The following PPFIA2 variants were observed in gnomAD, a reference collection of about 807,000 sequenced individuals.
The protein encoded by PPFIA2 is liprin-alpha-2.
A neutral mutation model predicts 175.5 loss-of-function variants in PPFIA2; 46 were observed. The ratio of observed to expected loss-of-function variants is 0.26; its 90% CI spans 0.21 to 0.34. PPFIA2 has a LOEUF of 0.34. Ranked by LOEUF, PPFIA2 falls within the 10% of genes least tolerant of loss-of-function variation. PPFIA2 has a pLI of 1.00. For synonymous variants in PPFIA2, 568 were observed against 511.4 expected, an observed-to-expected ratio of 1.11 and a Z score of -1.49; for missense variants, 1,179 against 1,506.1, an observed-to-expected ratio of 0.78 and a Z score of 3.60.
At chr12:81,717,420 T>C (rs2078771441) in intron 3 of PPFIA2, among the ~76,000 whole-genome samples, 1 of 151,686 alleles carries the variant, frequency 6.6e-6, no homozygotes, top group Non-Finnish European at 1.5e-5. Flanking sequence ...AATCCAACAC[T>C]GGTGGATAAT....
At chr12:81,757,524 A>G (rs1324283546) in intron 2 of PPFIA2, among the ~76,000 whole-genome samples, 1 of 152,240 alleles carries the variant, frequency 6.6e-6, no homozygotes, top group African/African-American at 2.4e-5. Context: ...GAAAGAAAAA[A>G]AGTAATAATA....
intron 4 of PPFIA2, among the ~76,000 whole-genome samples, chr12:81,659,564 A>G (rs2068432137): frequency 1.3e-5 from 2 of 152,170 alleles, no homozygotes; most frequent in Admixed American, 1.3e-4. Context: ...GGGAAGCTAG[A>G]ACTGGGTGGA....
At chr12:81,416,696 G>A (rs2045335862) in intron 7 of PPFIA2, among the ~76,000 whole-genome samples, 1 of 151,584 alleles carries the variant, frequency 6.6e-6, no homozygotes, top group African/African-American at 2.4e-5. Context: ...ACTCCCACAG[G>A]GCTCTTTGCC....
intron 5 of PPFIA2, among the ~76,000 whole-genome samples, chr12:81,450,255 A>G (rs1264160713): frequency 2.6e-5 from 4 of 152,214 alleles, no homozygotes; most frequent in Non-Finnish European, 4.4e-5. Context: ...CAGTCCCACC[A>G]ACAGTGCAAA....
intron 26 of PPFIA2, among the ~76,000 whole-genome samples, chr12:81,282,525 A>G (rs2042301502): frequency 6.6e-6 from 1 of 152,130 alleles, no homozygotes; most frequent in Non-Finnish European, 1.5e-5. Context: ...TGTTCCAAGT[A>G]TAGACACCTG....
At chr12:81,653,154 A>C (rs1431512990) in intron 4 of PPFIA2, among the ~76,000 whole-genome samples, 1 of 152,102 alleles carries the variant, frequency 6.6e-6, no homozygotes, top group Non-Finnish European at 1.5e-5. Context: ...CTTAATTTTA[A>C]GAGCAACCAG....
At chr12:81,368,299 T>C (rs2034117958) in intron 13 of PPFIA2, 1 of 500,492 alleles carries the variant, frequency 2.0e-6, no homozygotes. Flanking sequence ...TTTGATGATA[T>C]AAACTCACTT....
intron 5 of PPFIA2, among the ~76,000 whole-genome samples, chr12:81,455,103 C>G (rs1482916647): frequency 6.6e-6 from 1 of 152,156 alleles, no homozygotes; most frequent in Admixed American, 6.5e-5. Flanking sequence ...TGCTTTGTCT[C>G]TATGACCAGC....
chr12:81,287,866 G>A (rs1409541429), intron 24 of PPFIA2, among the ~76,000 whole-genome samples: 1 of 151,778 alleles, frequency 6.6e-6, no homozygotes, highest in Non-Finnish European at 1.5e-5. Flanking sequence ...CAAAAAGTAG[G>A]TTGGAAAAGC....
intron 4 of PPFIA2, among the ~76,000 whole-genome samples, chr12:81,565,402 C>T (rs955931506): frequency 3.9e-5 from 6 of 152,182 alleles, no homozygotes; most frequent in African/African-American, 4.8e-5. Context: ...TTTTGGGACT[C>T]GGACTGGCTC....
chr12:81,370,910 G>A (rs191559625), intron 11 of PPFIA2, among the ~76,000 whole-genome samples: 31 of 151,900 alleles, frequency 2.0e-4, no homozygotes, highest in African/African-American at 6.5e-4. Flanking sequence ...CTAAAACAGT[G>A]AAACTCACTT....
intron 4 of PPFIA2, among the ~76,000 whole-genome samples, chr12:81,641,322 T>C (rs1432437855): frequency 6.6e-6 from 1 of 152,218 alleles, no homozygotes; most frequent in East Asian, 1.9e-4. Flanking sequence ...TCATTGATTA[T>C]TATCTCACCA....
chr12:81,415,077 A>C (rs542720079), intron 7 of PPFIA2, among the ~76,000 whole-genome samples: 1 of 145,162 alleles, frequency 6.9e-6, no homozygotes, highest in Non-Finnish European at 1.5e-5. Flanking sequence ...CCATGGGCAG[A>C]TTTTGAAAGC....
intron 4 of PPFIA2, among the ~76,000 whole-genome samples, chr12:81,646,110 G>T (rs1294881271): frequency 6.6e-6 from 1 of 152,184 alleles, no homozygotes; most frequent in East Asian, 1.9e-4. Flanking sequence ...CTGCCATGAA[G>T]AAAGGTATAG....
intron 25 of PPFIA2, 34 bp from the exon 26 acceptor site, chr12:81,283,073 G>T: frequency 6.2e-7 from 1 of 1,604,412 alleles, no homozygotes; most frequent in Non-Finnish European, 8.5e-7. Context: ...TAATAAAGCA[G>T]GTAAATATAA....
intron 5 of PPFIA2, among the ~76,000 whole-genome samples, chr12:81,448,107 T>A (rs761166061): frequency 2.6e-5 from 4 of 152,090 alleles, no homozygotes; most frequent in Non-Finnish European, 5.9e-5. Flanking sequence ...TTTAGAAATA[T>A]AAAATATCCA....
chr12:81,469,728 T>C (rs1396428509), intron 4 of PPFIA2, among the ~76,000 whole-genome samples: 1 of 152,240 alleles, frequency 6.6e-6, no homozygotes, highest in Non-Finnish European at 1.5e-5. Context: ...CCAGACTCCA[T>C]ATGCTATGAC....
chr12:81,497,823 G>A (rs2147284158), intron 4 of PPFIA2, among the ~76,000 whole-genome samples: 1 of 152,254 alleles, frequency 6.6e-6, no homozygotes, highest in South Asian at 2.1e-4. Context: ...ACAGGCATGA[G>A]CCACCACACC....
At chr12:81,273,814 G>C (rs2039797793) in intron 28 of PPFIA2, among the ~76,000 whole-genome samples, 2 of 152,034 alleles carry the variant, frequency 1.3e-5, no homozygotes, top group South Asian at 4.1e-4. Context: ...TCCATTCAAA[G>C]CAGAATGAAT....
Sources: gnomAD v4.1 joint callset for allele counts (sites outside exome capture counted in the v4.1 genomes callset) on GRCh38, gnomAD v4.1.1 for gene constraint, MANE v1.5 for transcripts, NCBI Gene and HGNC (gene_info 2026-07-23, HGNC 2026-07-21) for gene names.